Variants in NRXN1 observed in about 807,000 individuals in gnomAD.
NRXN1 encodes the protein neurexin 1, also known as neurexin-1.
A neutral mutation model predicts 150.9 loss-of-function variants in NRXN1; 39 were observed. The ratio of observed to expected loss-of-function variants is 0.26; its 90% CI spans 0.20 to 0.34. The LOEUF (loss-of-function observed/expected upper bound fraction) is 0.34. Ranked by LOEUF, NRXN1 falls within the 10% of genes least tolerant of loss-of-function variation. NRXN1 has a pLI of 1.00. For missense variants in NRXN1, 1,815 were observed against 1,949.9 expected (o/e 0.93, Z 1.30); for synonymous variants, 924 against 757.0 (o/e 1.22, Z -3.62).
intron 12 of NRXN1, among the ~76,000 whole-genome samples, chr2:50,520,317 T>C (rs927165599): frequency 1.3e-5 from 2 of 151,952 alleles, no homozygotes; most frequent in Non-Finnish European, 2.9e-5. Context: ...AAAATGTACA[T>C]GATGTATTAC....
chr2:50,255,018 G>A (rs527913189), intron 17 of NRXN1, among the ~76,000 whole-genome samples: 1 of 152,114 alleles, frequency 6.6e-6, no homozygotes, highest in East Asian at 1.9e-4. Context: ...ATGTTACCTA[G>A]GCTAGTCTTG....
intron 8 of NRXN1, among the ~76,000 whole-genome samples, chr2:50,599,907 C>T (rs1458165372): frequency 1.3e-5 from 2 of 151,862 alleles, no homozygotes; most frequent in East Asian, 3.9e-4. Flanking sequence ...ATAACTATAA[C>T]CTAATTGAAG....
chr2:50,858,825 C>T (rs890589862), intron 5 of NRXN1, among the ~76,000 whole-genome samples: 1 of 151,916 alleles, frequency 6.6e-6, no homozygotes, highest in African/African-American at 2.4e-5. Context: ...AGAACAGAAC[C>T]CACCTGGCAG....
chr2:50,014,366 G>T (rs1209954035), intron 21 of NRXN1, among the ~76,000 whole-genome samples: 1 of 152,064 alleles, frequency 6.6e-6, no homozygotes, highest in Non-Finnish European at 1.5e-5. Flanking sequence ...GTATGTCCTT[G>T]TGTTTAATCC....
At chr2:50,953,221 T>C (rs1691689856) in intron 2 of NRXN1, among the ~76,000 whole-genome samples, 1 of 152,214 alleles carries the variant, frequency 6.6e-6, no homozygotes, top group Non-Finnish European at 1.5e-5. Context: ...AGCCATTTAT[T>C]ATTGTAACCT....
chr2:50,005,247 G>T (rs534057762), intron 21 of NRXN1, among the ~76,000 whole-genome samples: 2 of 152,106 alleles, frequency 1.3e-5, no homozygotes, highest in African/African-American at 4.8e-5. Flanking sequence ...TGGTAGGAAG[G>T]GACCAAAATG....
chr2:50,306,653 GATTAT>G (rs1373878365), intron 17 of NRXN1, among the ~76,000 whole-genome samples: 6 of 152,128 alleles, frequency 3.9e-5, no homozygotes, highest in Non-Finnish European at 7.3e-5. Context: ...TCAAGTCACT[GATTAT>G]ATTAGCTCAG....
intron 17 of NRXN1, among the ~76,000 whole-genome samples, chr2:50,411,975 AT>A (rs1238618798): frequency 6.6e-6 from 1 of 152,216 alleles, no homozygotes; most frequent in Non-Finnish European, 1.5e-5. Context: ...ACTAAGAAAA[AT>A]TCTTCTGCCT....
chr2:50,179,223 G>T (rs1029890610), intron 18 of NRXN1, among the ~76,000 whole-genome samples: 4 of 151,962 alleles, frequency 2.6e-5, no homozygotes, highest in Admixed American at 2.6e-4. Flanking sequence ...CATCTTCCAG[G>T]GAGACGGTAG....
chr2:50,596,866 T>A (rs974171134), intron 8 of NRXN1, among the ~76,000 whole-genome samples: 1 of 140,820 alleles, frequency 7.1e-6, no homozygotes, highest in Non-Finnish European at 1.5e-5. Flanking sequence ...CCTAGGACTT[T>A]TTTTTTTTTT....
At chr2:50,129,303 T>C (rs1032416439) in intron 18 of NRXN1, among the ~76,000 whole-genome samples, 4 of 152,184 alleles carry the variant, frequency 2.6e-5, no homozygotes, top group Non-Finnish European at 5.9e-5. Context: ...TAATTGGATA[T>C]AGTTCGGACT....
intron 19 of NRXN1, among the ~76,000 whole-genome samples, chr2:50,060,984 C>T (rs1444895836): frequency 6.6e-6 from 1 of 152,148 alleles, no homozygotes; most frequent in African/African-American, 2.4e-5. Context: ...GATGATTCCC[C>T]AAATCCTTCC....
Position 50,572,615 on chromosome 2 carries a change from CA to C in NRXN1, c.1321-19591del, listed in dbSNP as rs575223342. On this transcript the variant is annotated intron_variant, in intron 8 of 22. Transcript: ENST00000401669. The stretch of plus-strand genomic sequence containing the variant: ...TTTTTCTATCCCCATTTTCAGATAT[CA>C]AAAGTTAGGTAACTTTCCTGAAGCT... Among the ~76,000 whole-genome samples, 342 of 152,236 alleles carry C rather than the reference CA, an allele frequency of 2.2e-3. 4 individuals are homozygous for C. The highest frequency in any genetic ancestry group is 0.02 in the Admixed American group (303 of 15,292).
intron 5 of NRXN1, among the ~76,000 whole-genome samples, chr2:50,795,833 A>G (rs1706743889): frequency 6.7e-6 from 1 of 150,218 alleles, no homozygotes. Context: ...ACTATTTGTT[A>G]CATGCATTTT....
chr2:50,719,777 A>G (rs1010958033), intron 5 of NRXN1, among the ~76,000 whole-genome samples: 5 of 152,322 alleles, frequency 3.3e-5, no homozygotes, highest in Non-Finnish European at 5.9e-5. Context: ...GAAATTGCAC[A>G]TAACTCAATT....
rs546402070 is a variant in NRXN1 at position 50,357,930 on chromosome 2, G to A, written c.3364+107512C>T. Among the ~76,000 whole-genome samples the A allele has an allele frequency of 5.9e-5, 9 of 152,202 alleles. No individual in the cohort carries two copies. In the East Asian group the frequency reaches 1.6e-3, roughly 26 times the overall value. On this transcript the variant is annotated intron_variant, in intron 17 of 22. Transcript: ENST00000401669. ...ACAGTGGGTGCAGCCCACGGAGAGC[G>A]AGCCAAAGCAGGGTGGGGCGTCACA...
chr2:50,544,041 T>C (rs2105295032), intron 9 of NRXN1, among the ~76,000 whole-genome samples: 1 of 152,274 alleles, frequency 6.6e-6, no homozygotes, highest in Middle Eastern at 3.4e-3. Flanking sequence ...ATTATTAAGA[T>C]TCATTTTTGA....
chr2:50,906,027 G>C (rs900653865), intron 5 of NRXN1, among the ~76,000 whole-genome samples: 1 of 152,070 alleles, frequency 6.6e-6, no homozygotes, highest in Non-Finnish European at 1.5e-5. Context: ...TAATAGTACA[G>C]AGTCAAAGCT....
At chr2:50,101,059 G>A (rs116626257) in intron 18 of NRXN1, among the ~76,000 whole-genome samples, 3,297 of 152,140 alleles carry the variant, frequency 0.022, 55 homozygotes, top group Middle Eastern at 0.048. Flanking sequence ...CTTTTCCAAA[G>A]TGTAATGAGC....
Sources: allele counts gnomAD v4.1 joint callset (sites outside exome capture counted in the v4.1 genomes callset), GRCh38; gene constraint gnomAD v4.1.1; transcripts MANE v1.5; gene names NCBI Gene and HGNC (gene_info 2026-07-23, HGNC 2026-07-21).